CHN2: variants seen among roughly 807,000 people sequenced by gnomAD.
CHN2 encodes beta-chimaerin.
Under a neutral mutation model 56.3 loss-of-function variants are expected in CHN2, and 35 were observed. The observed-to-expected ratio is 0.62, with a 90% confidence interval of 0.47 to 0.82. The LOEUF (loss-of-function observed/expected upper bound fraction) is 0.82, where lower values mean the gene tolerates loss of function less well. Ranked by LOEUF, CHN2 falls within the 40% of genes least tolerant of loss-of-function variation. The probability of loss-of-function intolerance (pLI) is 0.00; values close to 1 mark genes in which losing one functional copy is unlikely to be tolerated. For synonymous variants in CHN2, 210 were observed against 212.8 expected, an observed-to-expected ratio of 0.99 and a Z score of 0.12; for missense variants, 491 against 580.5, an observed-to-expected ratio of 0.85 and a Z score of 1.58.
At chr7:29,464,797 T>C (rs1785428706) in intron 6 of CHN2, among the ~76,000 whole-genome samples, 1 of 152,226 alleles carries the variant, frequency 6.6e-6, no homozygotes, top group Non-Finnish European at 1.5e-5. Context: ...CTCCATCTGC[T>C]TCCAGCACCC....
At chr7:29,494,845 ACTC>A (rs1789069084) in intron 7 of CHN2, among the ~76,000 whole-genome samples, 1 of 151,178 alleles carries the variant, frequency 6.6e-6, no homozygotes, top group African/African-American at 2.4e-5. Flanking sequence ...TGAATAAAGA[ACTC>A]AAACTGAGGC....
intron 1 of CHN2, among the ~76,000 whole-genome samples, chr7:29,319,668 C>T (rs1322861569): frequency 2.0e-5 from 3 of 152,166 alleles, no homozygotes; most frequent in African/African-American, 7.2e-5. Flanking sequence ...GATTAGCACT[C>T]CCGAGTTGGC....
Position 29,411,176 on chromosome 7 carries a change from T to C in CHN2, c.576+10348T>C, listed in dbSNP as rs534381256. ...CAGGAAACAGTTCTGCAGGTGCAAT[T>C]CTGATATATATGGCCAATGAGGAGC... On this transcript the variant is annotated intron_variant, in intron 6 of 12. Coordinates refer to ENST00000222792, the MANE Select transcript of CHN2 (RefSeq NM_004067.4). 3.3e-5 allele frequency among the ~76,000 whole-genome samples: 5 copies of C among 152,286 alleles called. No homozygotes were observed. In the South Asian group the frequency reaches 1.0e-3, roughly 32 times the overall value.
intron 1 of CHN2, among the ~76,000 whole-genome samples, chr7:29,299,882 G>C (rs1793511838): frequency 6.6e-6 from 1 of 152,198 alleles, no homozygotes; most frequent in Non-Finnish European, 1.5e-5. Context: ...AGGAGAATCA[G>C]GGAAGACCTG....
intron 1 of CHN2, among the ~76,000 whole-genome samples, chr7:29,264,886 CAAGTT>C (rs746507944): frequency 4.6e-5 from 5 of 108,542 alleles, no homozygotes; most frequent in Non-Finnish European, 8.0e-5. Context: ...AAAAAAAAAA[CAAGTT>C]AATTTAGGTA....
intron 1 of CHN2, among the ~76,000 whole-genome samples, chr7:29,348,404 T>C (rs937698834): frequency 1.3e-5 from 2 of 152,236 alleles, no homozygotes; most frequent in African/African-American, 4.8e-5. Flanking sequence ...TCTTAACATG[T>C]TCAGATTCTT....
intron 2 of CHN2, among the ~76,000 whole-genome samples, chr7:29,164,794 A>C (rs994854072): frequency 3.3e-5 from 5 of 151,640 alleles, no homozygotes; most frequent in South Asian, 2.1e-4. Context: ...AAAAAAAAAA[A>C]AAAAAAACAA....
At chr7:29,357,577 C>T (rs1231866269) in intron 2 of CHN2, among the ~76,000 whole-genome samples, 1 of 152,146 alleles carries the variant, frequency 6.6e-6, no homozygotes, top group African/African-American at 2.4e-5. Context: ...TTATACTTCC[C>T]TCCAATGTAC....
chr7:29,152,252 C>T (rs1308297375), intron 2 of CHN2, among the ~76,000 whole-genome samples: 5 of 152,162 alleles, frequency 3.3e-5, no homozygotes, highest in East Asian at 1.9e-4. Context: ...GCTTTTTATG[C>T]GTGGCAGCTC....
intron 1 of CHN2, among the ~76,000 whole-genome samples, chr7:29,341,058 G>C (rs57695377): frequency 0.011 from 1,659 of 152,342 alleles, 32 homozygotes; most frequent in African/African-American, 0.037. Flanking sequence ...CGAGGCCCAT[G>C]TGGGTCAAGG....
intron 7 of CHN2, among the ~76,000 whole-genome samples, chr7:29,484,759 G>A (rs1235044409): frequency 1.3e-5 from 2 of 152,194 alleles, no homozygotes; most frequent in African/African-American, 2.4e-5. Flanking sequence ...TATAGGAACT[G>A]TAATTGACAT....
intron 6 of CHN2, among the ~76,000 whole-genome samples, chr7:29,448,931 T>C (rs1481434919): frequency 6.6e-6 from 1 of 152,214 alleles, no homozygotes; most frequent in East Asian, 1.9e-4. Flanking sequence ...CAGGGCATGG[T>C]CCATACTAAA....
At chr7:29,220,882 T>G (rs1181628917) in intron 1 of CHN2, among the ~76,000 whole-genome samples, 1 of 152,188 alleles carries the variant, frequency 6.6e-6, no homozygotes, top group Non-Finnish European at 1.5e-5. Flanking sequence ...TCTTAAAATA[T>G]TTGATTAGCA....
intron 3 of CHN2, among the ~76,000 whole-genome samples, chr7:29,390,878 T>C (rs1324709691): frequency 6.6e-6 from 1 of 152,180 alleles, no homozygotes; most frequent in East Asian, 1.9e-4. Flanking sequence ...TTTCTGGATC[T>C]GAGGATCCAG....
chr7:29,406,734 G>T lies in CHN2; in HGVS notation c.576+5906G>T, dbSNP rs368934483. On this transcript the variant is annotated intron_variant, in intron 6 of 12. Transcript: ENST00000222792. ...CGTTCCCAGGAGCCACTGTGTGGGG[G>T]ACTCTGGGGTGCCCTCCGCCAATGT... Among the ~76,000 whole-genome samples, 26 of 152,294 alleles carry T rather than the reference G, an allele frequency of 1.7e-4. No individual in the cohort carries two copies. The East Asian group carries it at 2.5e-3, about 15-fold the overall frequency.
chr7:29,479,337 T>G (rs1205352417), intron 6 of CHN2, among the ~76,000 whole-genome samples: 1 of 152,134 alleles, frequency 6.6e-6, no homozygotes, highest in Non-Finnish European at 1.5e-5. Context: ...CTTGTCTGTG[T>G]GGGTTTGAGC....
chr7:29,160,914 A>G (rs912968351), intron 2 of CHN2, among the ~76,000 whole-genome samples: 1 of 152,180 alleles, frequency 6.6e-6, no homozygotes, highest in African/African-American at 2.4e-5. Flanking sequence ...GCTACAGATT[A>G]ATTTTATAAA....
Position 29,212,953 on chromosome 7 carries a change from C to T in CHN2, c.49+17963C>T. On this transcript the variant is annotated intron_variant, in intron 1 of 12. Transcript: ENST00000222792. ...CCAGAACATCTAGTGCTGGAGCAAC[C>T]ACTCCTGGAACACTCAGACCTGGTG... 7.5e-6 allele frequency: 12 copies of T among 1,609,756 alleles called. No homozygotes were observed. The South Asian group carries it at 7.7e-5, about 10-fold the overall frequency.
intron 1 of CHN2, among the ~76,000 whole-genome samples, chr7:29,239,007 TC>T (rs1221735949): frequency 6.6e-6 from 1 of 152,148 alleles, no homozygotes; most frequent in Non-Finnish European, 1.5e-5. Context: ...GCATGGGACA[TC>T]ACTGGAAGCA....
Sources: gnomAD v4.1 joint callset for allele counts (sites outside exome capture counted in the v4.1 genomes callset) on GRCh38, gnomAD v4.1.1 for gene constraint, MANE v1.5 for transcripts, NCBI Gene and HGNC (gene_info 2026-07-23, HGNC 2026-07-21) for gene names.